EGFLAM: variants seen among roughly 807,000 people sequenced by gnomAD.
EGFLAM encodes EGF like, fibronectin type III and laminin G domains.
A neutral mutation model predicts 113.1 loss-of-function variants in EGFLAM; 79 were observed. The ratio of observed to expected loss-of-function variants is 0.70; its 90% CI spans 0.58 to 0.84. The LOEUF (loss-of-function observed/expected upper bound fraction) is 0.84. EGFLAM is among the 40% of genes least tolerant of loss of function. The pLI is 0.00. For missense variants in EGFLAM, 1,265 were observed against 1,291.6 expected, an observed-to-expected ratio of 0.98 and a Z score of 0.32; for synonymous variants, 504 against 487.6, an observed-to-expected ratio of 1.03 and a Z score of -0.44.
At chr5:38,431,399 G>C (rs1178679402) in intron 15 of EGFLAM, 111 bp downstream of exon 15, 1 of 1,042,814 alleles carries the variant, frequency 9.6e-7, no homozygotes, top group Non-Finnish European at 1.4e-6. Context: ...ATGGACTTCA[G>C]TGCCTGTGTG....
At chr5:38,332,483 G>T (rs1184296626) in intron 1 of EGFLAM, among the ~76,000 whole-genome samples, 1 of 152,084 alleles carries the variant, frequency 6.6e-6, no homozygotes, top group Non-Finnish European at 1.5e-5. Context: ...CAGCTTGGTT[G>T]GGGAGACCCT....
In EGFLAM at chr5:38,464,667, T is replaced by G. The variant is rs1743410483; in HGVS notation, c.*681T>G. 1 of 152,244 alleles carries G rather than the reference T, an allele frequency of 6.6e-6. No individual in the cohort carries two copies. The highest frequency in any genetic ancestry group is 2.4e-5 in the African/African-American group (1 of 41,460). 9.4% of individuals were successfully genotyped at this position (152,244 alleles called of 1,614,324 possible). On this transcript the variant is annotated 3_prime_UTR_variant, in exon 22 of 22. Transcript: ENST00000322350. ...GCCCCCATGATTTTGTAGCTGTACT[T>G]TTGTATGTGTATATTTTTATAGCTG...
chr5:38,406,822 C>A lies in EGFLAM; in HGVS notation c.829-6C>A. The A allele has an allele frequency of 1.9e-6, 3 of 1,611,652 alleles. No homozygotes were observed. Among genetic ancestry groups the A allele is most frequent in the Non-Finnish European group, 2.5e-6 (3 of 1,178,302 alleles). On this transcript the variant is annotated splice_polypyrimidine_tract_variant and splice_region_variant and intron_variant, in intron 7 of 21. Coordinates refer to ENST00000322350, the MANE Select transcript of EGFLAM (RefSeq NM_152403.4). ...ATCTTGAACCCCTTTCCTTCTCTGG[C>A]TTTAGGTTAAACCACTTCCTGCTAC...
At chr5:38,436,104 C>T (rs940517169) in intron 16 of EGFLAM, among the ~76,000 whole-genome samples, 14 of 152,154 alleles carry the variant, frequency 9.2e-5, no homozygotes, top group African/African-American at 3.4e-4. Context: ...GCATGAGCCA[C>T]TGCTTCTGGC....
chr5:38,387,327 C>G (rs2246549), intron 6 of EGFLAM, among the ~76,000 whole-genome samples: 36,160 of 152,116 alleles, frequency 0.24, 4,806 homozygotes, highest in African/African-American at 0.35. Flanking sequence ...TCACAATCCA[C>G]TCCCTGCCAA....
At chr5:38,299,851 A>C (rs1419460047) in intron 1 of EGFLAM, among the ~76,000 whole-genome samples, 1 of 152,140 alleles carries the variant, frequency 6.6e-6, no homozygotes, top group East Asian at 1.9e-4. Flanking sequence ...GATTCACTTG[A>C]CATGTATTTA....
At chr5:38,422,615 T>C (rs1183268617) in intron 12 of EGFLAM, among the ~76,000 whole-genome samples, 1 of 152,162 alleles carries the variant, frequency 6.6e-6, no homozygotes, top group Non-Finnish European at 1.5e-5. Flanking sequence ...TTTACAATAA[T>C]ATATGTGCTC....
chr5:38,305,498 G>A (rs1416994284), intron 1 of EGFLAM: 4 of 453,930 alleles, frequency 8.8e-6, no homozygotes, highest in Non-Finnish European at 1.3e-5. Context: ...AAAGCTGCAG[G>A]AAACAGAAGA....
At chr5:38,374,660 A>G (rs533968908) in intron 6 of EGFLAM, among the ~76,000 whole-genome samples, 1 of 152,310 alleles carries the variant, frequency 6.6e-6, no homozygotes, top group South Asian at 2.1e-4. Context: ...CTAAACCGTA[A>G]TTTCTAATCC....
chr5:38,375,913 C>T (rs923645503), intron 6 of EGFLAM, among the ~76,000 whole-genome samples: 2 of 152,128 alleles, frequency 1.3e-5, no homozygotes, highest in African/African-American at 4.8e-5. Context: ...TTTTGGTGAC[C>T]TTGAATAATA....
At chr5:38,370,272 C>T (rs747683075) in intron 5 of EGFLAM, 24 bp from the exon 6 acceptor site, 4 of 1,605,310 alleles carry the variant, frequency 2.5e-6, no homozygotes, top group East Asian at 4.5e-5. Flanking sequence ...ACTACTGCTT[C>T]TTCTGTTTTT....
intron 11 of EGFLAM, among the ~76,000 whole-genome samples, chr5:38,414,675 G>C (rs1741585523): frequency 1.3e-5 from 2 of 152,198 alleles, no homozygotes; most frequent in Non-Finnish European, 2.9e-5. Context: ...ACCCAAACTG[G>C]AAGATGACTT....
chr5:38,375,534 G>GGCCT (rs1740344042), intron 6 of EGFLAM, among the ~76,000 whole-genome samples: 1 of 152,138 alleles, frequency 6.6e-6, no homozygotes, highest in Non-Finnish European at 1.5e-5. Context: ...GGTCCTCTGT[G>GGCCT]GCCTGTTTAT....
At chr5:38,398,317 G>A (rs1741015133) in intron 6 of EGFLAM, among the ~76,000 whole-genome samples, 1 of 152,138 alleles carries the variant, frequency 6.6e-6, no homozygotes, top group Non-Finnish European at 1.5e-5. Flanking sequence ...ACTGAGTGAG[G>A]TTTGGGTGGT....
intron 1 of EGFLAM, among the ~76,000 whole-genome samples, chr5:38,300,837 G>A (rs1579744809): frequency 6.6e-6 from 1 of 152,260 alleles, no homozygotes; most frequent in East Asian, 1.9e-4. Context: ...GATTAAATTG[G>A]GGCAATACTT....
intron 18 of EGFLAM, 157 bp downstream of exon 18, chr5:38,448,536 A>C: frequency 1.4e-6 from 1 of 709,206 alleles, no homozygotes; most frequent in Non-Finnish European, 2.4e-6. Context: ...ACAAGAAATA[A>C]ACATAGAAAC....
At chr5:38,298,198 T>C (rs1758492391) in intron 1 of EGFLAM, among the ~76,000 whole-genome samples, 1 of 152,248 alleles carries the variant, frequency 6.6e-6, no homozygotes, top group African/African-American at 2.4e-5. Flanking sequence ...GAGTCTTTCT[T>C]TGACGTTTTC....
Position 38,406,853 on chromosome 5 carries a change from G to C in EGFLAM, c.854G>C (p.Gly285Ala). The change falls in exon 8 of 22, where the codon GGA (glycine) becomes GCA (alanine). Residue 285 changes from glycine (G) to alanine (A), a missense_variant. Gly to Ala is a moderately conservative substitution (Grantham distance 60, BLOSUM62 0). Coordinates refer to ENST00000322350, the MANE Select transcript of EGFLAM (RefSeq NM_152403.4). ...EEVKPLPATK[G>A]GNKKFLVESK... ...GTTAAACCACTTCCTGCTACCAAAGGAGGGAATAAGAAATTTTTGGTGGAA... is the reference window on the plus strand; with the variant it reads ...GTTAAACCACTTCCTGCTACCAAAGCAGGGAATAAGAAATTTTTGGTGGAA... The C allele has an allele frequency of 6.2e-7, 1 of 1,614,008 alleles. No homozygotes were observed. Among genetic ancestry groups the C allele is most frequent in the Non-Finnish European group, 8.5e-7 (1 of 1,179,922 alleles).
chr5:38,260,293 A>C (rs1250813156), intron 1 of EGFLAM, among the ~76,000 whole-genome samples: 1 of 152,244 alleles, frequency 6.6e-6, no homozygotes, highest in Non-Finnish European at 1.5e-5. Flanking sequence ...TAATTGTCAC[A>C]ATTTTTAAAC....
Sources: allele counts gnomAD v4.1 joint callset (sites outside exome capture counted in the v4.1 genomes callset), GRCh38; gene constraint gnomAD v4.1.1; transcripts MANE v1.5; gene names NCBI Gene and HGNC (gene_info 2026-07-23, HGNC 2026-07-21).